ST3GAL1: variants seen among roughly 807,000 people sequenced by gnomAD.
ST3GAL1 encodes the protein ST3 beta-galactoside alpha-2,3-sialyltransferase 1, also known as CMP-N-acetylneuraminate-beta-galactosamide-alpha-2,3-sialyltransferase 1.
ST3GAL1 carries 16 observed loss-of-function variants against 34.1 expected under a neutral mutation model. The ratio of observed to expected loss-of-function variants is 0.47; its 90% CI spans 0.32 to 0.71. The LOEUF (loss-of-function observed/expected upper bound fraction) is 0.71, where lower values mean the gene tolerates loss of function less well. ST3GAL1 is among the 30% of genes least tolerant of loss of function. The probability of loss-of-function intolerance (pLI) is 0.04; values close to 1 mark genes in which losing one functional copy is unlikely to be tolerated. For missense variants in ST3GAL1, 353 were observed against 447.4 expected, an observed-to-expected ratio of 0.79 and a Z score of 1.90; for synonymous variants, 191 against 184.7, an observed-to-expected ratio of 1.03 and a Z score of -0.28.
chr8:133,566,139 T>C (rs1177414671), intron 1 of ST3GAL1, among the ~76,000 whole-genome samples: 1 of 152,196 alleles, frequency 6.6e-6, no homozygotes, highest in Non-Finnish European at 1.5e-5. Context: ...GTGCTTTGGG[T>C]GGCTTCTTAG....
rs113280324 is a variant in ST3GAL1, at chr8:133,549,607, T to C, written c.-581-3681A>G. On this transcript the variant is annotated intron_variant, in intron 1 of 9. Transcript: ENST00000522652. ...TTAAGTTGGCTTTGAAAAAAATAAG[T>C]TGGCAATGGCATTGGATTCCAAATT... 4.7e-3 allele frequency among the ~76,000 whole-genome samples: 711 copies of C among 152,064 alleles called. 7 individuals are homozygous for C. Among genetic ancestry groups the C allele is most frequent in the African/African-American group, 0.016 (683 of 41,472 alleles).
chr8:133,544,651 C>T (rs550544895), intron 2 of ST3GAL1, among the ~76,000 whole-genome samples: 2 of 152,298 alleles, frequency 1.3e-5, no homozygotes, highest in African/African-American at 2.4e-5. Flanking sequence ...CCTGACCTAC[C>T]TGTGACACCA....
intron 2 of ST3GAL1, among the ~76,000 whole-genome samples, chr8:133,541,120 T>TATATATATAGAGAGAG (rs71299078): frequency 8.2e-5 from 4 of 48,644 alleles, no homozygotes; most frequent in African/African-American, 3.9e-4. Flanking sequence ...TATATATATA[T>TATATATATAGAGAGAG]AGAGAGAGAG....
At chr8:133,526,730 C>T (rs1321098707) in intron 2 of ST3GAL1, among the ~76,000 whole-genome samples, 1 of 152,162 alleles carries the variant, frequency 6.6e-6, no homozygotes, top group Non-Finnish European at 1.5e-5. Context: ...GAATGTTGCA[C>T]AAGGTGACGT....
chr8:133,540,956 C>CATATATAGACATATATAAAGACAT (rs1554618796), intron 2 of ST3GAL1, among the ~76,000 whole-genome samples: 1 of 76,748 alleles, frequency 1.3e-5, no homozygotes, highest in Non-Finnish European at 2.5e-5. Flanking sequence ...TATATATAGA[C>CATATATAGACATATATAAAGACAT]ATATATATAG....
chr8:133,547,362 C>G (rs996248916), intron 1 of ST3GAL1, among the ~76,000 whole-genome samples: 3 of 152,148 alleles, frequency 2.0e-5, no homozygotes, highest in Non-Finnish European at 2.9e-5. Context: ...CCTTGACCTC[C>G]AGGGTCAAGC....
chr8:133,556,385 A>C lies in ST3GAL1; in HGVS notation c.-581-10459T>G, dbSNP rs1259835769. ...GCCTTGGCCTCCTGGACAGGAGACA[A>C]CCCCTTGGCCTTGCTCTTGGATGGA... On this transcript the variant is annotated intron_variant, in intron 1 of 9. Transcript: ENST00000522652. The surrounding 1 kb of genome is among the most constrained non-coding windows in gnomAD (Gnocchi z 8.9). 6.6e-6 allele frequency among the ~76,000 whole-genome samples: 1 copy of C among 151,810 alleles called. No individual in the cohort carries two copies. The highest frequency in any genetic ancestry group is 6.6e-5 in the Admixed American group (1 of 15,242).
At chr8:133,474,702 C>T (rs903031847) in intron 5 of ST3GAL1, among the ~76,000 whole-genome samples, 6 of 152,164 alleles carry the variant, frequency 3.9e-5, no homozygotes, top group African/African-American at 1.4e-4. Flanking sequence ...TCCCAGACAC[C>T]TGCAGTGCAT....
intron 1 of ST3GAL1, among the ~76,000 whole-genome samples, chr8:133,561,029 ACTCTTAAAGTTTT>A (rs1819204293): frequency 6.6e-6 from 1 of 151,334 alleles, no homozygotes; most frequent in South Asian, 2.1e-4. Flanking sequence ...GCACAGTTAA[ACTCTTAAAGTTTT>A]CTAGAAAATG....
At chr8:133,471,390 G>A (rs541851992) in intron 5 of ST3GAL1, among the ~76,000 whole-genome samples, 2 of 152,202 alleles carry the variant, frequency 1.3e-5, no homozygotes, top group Admixed American at 6.5e-5. Context: ...GAAATGGCTC[G>A]TGCAGGACTC....
At position 133,459,958 on chromosome 8, in the gene ST3GAL1, T is replaced by G. The variant is rs781582444; in HGVS notation, c.850-21A>C. On this transcript the variant is annotated intron_variant, in intron 9 of 9. Transcript: ENST00000522652. This position sits in a 1 kb window ranked among gnomAD's most constrained non-coding sequence, Gnocchi z 4.7. ...TCCACCTGTGGGAGCAAAGCAAAGATGAGAACCAGACAGCAGGGCTGCTGG... is the reference window on the plus strand; with the variant it reads ...TCCACCTGTGGGAGCAAAGCAAAGAGGAGAACCAGACAGCAGGGCTGCTGG... 6.2e-7 allele frequency: 1 copy of G among 1,600,516 alleles called. No homozygotes were observed. Among genetic ancestry groups the G allele is most frequent in the South Asian group, 1.1e-5 (1 of 89,946 alleles).
chr8:133,532,946 A>G (rs754152236), intron 2 of ST3GAL1, among the ~76,000 whole-genome samples: 2 of 152,126 alleles, frequency 1.3e-5, no homozygotes, highest in Non-Finnish European at 2.9e-5. Context: ...TCTTTCCCAT[A>G]TTCATTCGTT....
intron 1 of ST3GAL1, among the ~76,000 whole-genome samples, chr8:133,552,943 A>G (rs192088991): frequency 2.0e-5 from 3 of 152,212 alleles, no homozygotes; most frequent in African/African-American, 7.2e-5. Flanking sequence ...CATTTCACAG[A>G]TGTGGAAATT....
intron 3 of ST3GAL1, among the ~76,000 whole-genome samples, chr8:133,491,239 G>A (rs1000987877): frequency 3.3e-5 from 5 of 152,004 alleles, no homozygotes; most frequent in Non-Finnish European, 5.9e-5. Flanking sequence ...ATCTTCTTAT[G>A]TGTGTGGATC....
At chr8:133,541,065 ATAGACATATATATAG>A (rs1818500528) in intron 2 of ST3GAL1, among the ~76,000 whole-genome samples, 2 of 56,632 alleles carry the variant, frequency 3.5e-5, no homozygotes, top group African/African-American at 5.7e-5. Context: ...ACATATATAT[ATAGACATATATATAG>A]ACATATATAT....
At chr8:133,541,118 TATAGAGAGAGAG>T (rs1818511669) in intron 2 of ST3GAL1, among the ~76,000 whole-genome samples, 1 of 52,154 alleles carries the variant, frequency 1.9e-5, no homozygotes, top group Non-Finnish European at 3.4e-5. Context: ...TATATATATA[TATAGAGAGAGAG>T]AGAGAGAGAG....
intron 3 of ST3GAL1, among the ~76,000 whole-genome samples, chr8:133,488,620 C>T (rs1199114895): frequency 6.6e-6 from 1 of 152,172 alleles, no homozygotes; most frequent in East Asian, 1.9e-4. Context: ...CTCTGCTCCC[C>T]TGGAGAGCCC....
intron 2 of ST3GAL1, among the ~76,000 whole-genome samples, chr8:133,532,450 A>G (rs986038162): frequency 6.6e-6 from 1 of 151,844 alleles, no homozygotes; most frequent in Non-Finnish European, 1.5e-5. Flanking sequence ...ACAGAGCGAG[A>G]CTCTGTCTCA....
Position 133,556,907 on chromosome 8 carries a change from G to A in ST3GAL1, c.-581-10981C>T, listed in dbSNP as rs771073104. Among the ~76,000 whole-genome samples, 1 of 152,156 alleles carries A rather than the reference G, an allele frequency of 6.6e-6. No homozygotes were observed. Reference sequence around the variant, plus strand: ...GGTTGGCAGCGGTGCTATTAATGCAGGCAGGGAGACCAGATATACTGGGTC... The same window carrying A: ...GGTTGGCAGCGGTGCTATTAATGCAAGCAGGGAGACCAGATATACTGGGTC... On this transcript the variant is annotated intron_variant, in intron 1 of 9. Coordinates refer to ENST00000522652, the MANE Select transcript of ST3GAL1 (RefSeq NM_173344.3). This position sits in a 1 kb window ranked among gnomAD's most constrained non-coding sequence, Gnocchi z 8.9.
Sources: allele counts gnomAD v4.1 joint callset (sites outside exome capture counted in the v4.1 genomes callset), GRCh38; gene constraint gnomAD v4.1.1; non-coding constraint Gnocchi (gnomAD v3.1); transcripts MANE v1.5; gene names NCBI Gene and HGNC (gene_info 2026-07-23, HGNC 2026-07-21).